Variants in CRISPLD2 observed in about 807,000 individuals in gnomAD.
CRISPLD2 encodes the protein cysteine rich secretory protein LCCL domain containing 2.
In CRISPLD2, 47 loss-of-function variants were observed where a neutral mutation model predicts 71.1. The ratio of observed to expected loss-of-function variants is 0.66; its 90% CI spans 0.52 to 0.84. CRISPLD2 has a LOEUF of 0.84. Ranked by LOEUF, CRISPLD2 falls within the 40% of genes least tolerant of loss-of-function variation. The pLI is 0.00. For synonymous variants in CRISPLD2, 317 were observed against 250.1 expected (o/e 1.27, Z -2.52); for missense variants, 830 against 651.1 (o/e 1.27, Z -2.99).
intron 13 of CRISPLD2, 99 bp from the exon 14 acceptor site, chr16:84,889,131 A>C (rs767049): frequency 0.2 from 296,074 of 1,516,144 alleles, 30,357 homozygotes; most frequent in Admixed American, 0.32. Context: ...TCCACATCCC[A>C]CCAGCCAGGT....
chr16:84,854,073 G>C (rs1191365919), intron 5 of CRISPLD2, among the ~76,000 whole-genome samples: 2 of 152,210 alleles, frequency 1.3e-5, no homozygotes, highest in Non-Finnish European at 2.9e-5. Context: ...AGGGACCTTT[G>C]ATCCAGCCCC....
At position 84,854,767 on chromosome 16, in the gene CRISPLD2, G is replaced by T; in HGVS notation, c.647G>T (p.Arg216Leu). 3.1e-6 allele frequency: 5 copies of T among 1,614,136 alleles called. No homozygotes were observed. The highest frequency in any genetic ancestry group is 4.2e-6 in the Non-Finnish European group (5 of 1,180,004). The change falls in exon 6 of 15, where the codon CGG becomes CTG. Residue 216 changes from arginine (R) to leucine (L), a missense_variant. Coordinates refer to ENST00000262424, the MANE Select transcript of CRISPLD2 (RefSeq NM_031476.4). Reference protein sequence around the residue: ...WIGEAPYKNGRPCSECPPSYG... With the variant: ...WIGEAPYKNGLPCSECPPSYG... ...GGAGAAGCCCCCTACAAGAATGGCCGGCCCTGCTCTGAGTGCCCACCCAGC... is the reference window on the plus strand; with the variant it reads ...GGAGAAGCCCCCTACAAGAATGGCCTGCCCTGCTCTGAGTGCCCACCCAGC...
At chr16:84,869,098 AG>A (rs1311813081) in intron 8 of CRISPLD2, among the ~76,000 whole-genome samples, 187 bp downstream of exon 8, 3 of 152,232 alleles carry the variant, frequency 2.0e-5, no homozygotes, top group Admixed American at 2.0e-4. Flanking sequence ...GGCCGTTGGC[AG>A]ATCCTATGGG....
At chr16:84,888,821 A>C (rs1026940097) in intron 13 of CRISPLD2, among the ~76,000 whole-genome samples, 1 of 152,132 alleles carries the variant, frequency 6.6e-6, no homozygotes, top group Admixed American at 6.5e-5. Context: ...CCCCTGATGA[A>C]ACAATTCTGA....
chr16:84,873,382 C>T (rs781021547), intron 10 of CRISPLD2: 3 of 244,372 alleles, frequency 1.2e-5, no homozygotes, highest in East Asian at 1.1e-4. Flanking sequence ...CAGGAGGCTA[C>T]GGCAGAAGAA....
chr16:84,849,067 T>C (rs141502109), intron 3 of CRISPLD2: 82 of 224,298 alleles, frequency 3.7e-4, no homozygotes, highest in African/African-American at 1.6e-3. Flanking sequence ...ATGAGCCACC[T>C]GAGGAGCCTA....
At chr16:84,894,662 C>T (rs1006983966) in intron 14 of CRISPLD2, among the ~76,000 whole-genome samples, 2 of 152,108 alleles carry the variant, frequency 1.3e-5, no homozygotes, top group African/African-American at 2.4e-5. Flanking sequence ...TTTTAGGATG[C>T]ATTTTACTTA....
chr16:84,869,205 T>C (rs1012868411), intron 8 of CRISPLD2, among the ~76,000 whole-genome samples: 3 of 152,172 alleles, frequency 2.0e-5, no homozygotes, highest in Non-Finnish European at 4.4e-5. Flanking sequence ...TAAATCCATC[T>C]AGTTGTTGCA....
intron 8 of CRISPLD2, among the ~76,000 whole-genome samples, chr16:84,870,412 C>T (rs759853894): frequency 3.9e-5 from 6 of 152,034 alleles, no homozygotes; most frequent in Admixed American, 6.5e-5. Flanking sequence ...CTCTGCTTCC[C>T]GGGTTTAAGT....
intron 14 of CRISPLD2, among the ~76,000 whole-genome samples, chr16:84,891,537 G>C (rs2071662863): frequency 6.6e-6 from 1 of 152,208 alleles, no homozygotes; most frequent in African/African-American, 2.4e-5. Flanking sequence ...TAATGGGAGG[G>C]AAATGAAGCA....
intron 14 of CRISPLD2, among the ~76,000 whole-genome samples, chr16:84,898,761 A>C (rs1319652640): frequency 6.6e-6 from 1 of 152,204 alleles, no homozygotes; most frequent in Non-Finnish European, 1.5e-5. Flanking sequence ...GGTGCTCAGT[A>C]AACACTGGTT....
rs111979075 is a variant in CRISPLD2 at position 84,849,200 on chromosome 16, C to G, written c.360-185C>G. 1,211 of 598,288 alleles carry G rather than the reference C, an allele frequency of 2.0e-3. 19 individuals carry two copies. In the African/African-American group the frequency reaches 0.021, roughly 10 times the overall value. The allele number at this position is 598,288 out of a possible 1,614,324, so 37.1% of individuals were successfully genotyped here. The stretch of plus-strand genomic sequence containing the variant: ...CCCTCCTCGCTGCCCGTGGCTGCTC[C>G]TGGAATTGGGGGCTATTCCGCCTCC... On this transcript the variant is annotated intron_variant, in intron 3 of 14. Transcript: ENST00000262424.
chr16:84,889,355 G>A lies in CRISPLD2; in HGVS notation c.1431G>A (p.Gln477=), dbSNP rs575447975. 222 of 1,612,086 alleles carry A rather than the reference G, an allele frequency of 1.4e-4. 5 individuals carry two copies. In the South Asian group the frequency reaches 2.1e-3, roughly 15 times the overall value. The part of the protein sequence containing the change: ...TYVGSLRNGV[Q]SESLGTPRDG... ...TGGGCTCGCTCAGGAATGGAGTTCA[G>A]TCTGAAAGGTAGGGTGGTGTTCTCC... The change falls in exon 14 of 15, where the codon CAG becomes CAA. Residue 477 remains glutamine (Q), a synonymous_variant. Transcript: ENST00000262424.
chr16:84,836,256 G>GT (rs1358088522), intron 1 of CRISPLD2: 1 of 152,174 alleles, frequency 6.6e-6, no homozygotes, highest in Non-Finnish European at 1.5e-5. Flanking sequence ...AGGACACCCC[G>GT]TGACGCCGAT....
At chr16:84,862,229 G>T (rs768403110) in intron 6 of CRISPLD2, among the ~76,000 whole-genome samples, 1 of 151,904 alleles carries the variant, frequency 6.6e-6, no homozygotes, top group Non-Finnish European at 1.5e-5. Flanking sequence ...TTGAGTCATG[G>T]CCTCCCTTTG....
chr16:84,888,484 T>G (rs2071632363), intron 13 of CRISPLD2, among the ~76,000 whole-genome samples: 1 of 152,214 alleles, frequency 6.6e-6, no homozygotes, highest in African/African-American at 2.4e-5. Flanking sequence ...ACCCAGAAAC[T>G]GAACTCCTTG....
At chr16:84,846,008 A>G in intron 3 of CRISPLD2, 104 bp downstream of exon 3, 1 of 680,892 alleles carries the variant, frequency 1.5e-6, no homozygotes, top group Non-Finnish European at 2.5e-6. Context: ...AGAGAGTGAG[A>G]GAGACCACCC....
chr16:84,844,560 A>G (rs1268591223), intron 2 of CRISPLD2, among the ~76,000 whole-genome samples: 1 of 151,138 alleles, frequency 6.6e-6, no homozygotes, highest in Non-Finnish European at 1.5e-5. Flanking sequence ...ACGGGGTTTC[A>G]CTATGTTGGG....
At chr16:84,874,418 A>C (rs573052771) in intron 11 of CRISPLD2, among the ~76,000 whole-genome samples, 2 of 152,334 alleles carry the variant, frequency 1.3e-5, no homozygotes, top group Admixed American at 1.3e-4. Context: ...CTTACTTGCC[A>C]TCTCTGGCCC....
Sources: gnomAD v4.1 joint callset for allele counts (sites outside exome capture counted in the v4.1 genomes callset) on GRCh38, gnomAD v4.1.1 for gene constraint, MANE v1.5 for transcripts, NCBI Gene and HGNC (gene_info 2026-07-23, HGNC 2026-07-21) for gene names.